The following SEMA3A variants were observed in gnomAD, a reference collection of about 807,000 sequenced individuals.
SEMA3A encodes the protein semaphorin-3A.
Under a neutral mutation model 97.9 loss-of-function variants are expected in SEMA3A, and 29 were observed. That is an observed-to-expected ratio of 0.30 (90% confidence interval 0.22 to 0.40). The LOEUF (loss-of-function observed/expected upper bound fraction) is 0.40. Ranked by LOEUF, SEMA3A falls within the 10% of genes least tolerant of loss-of-function variation. The probability of loss-of-function intolerance (pLI) is 1.00; values close to 1 mark genes in which losing one functional copy is unlikely to be tolerated. For missense variants in SEMA3A, 763 were observed against 951.3 expected (o/e 0.80, Z 2.60); for synonymous variants, 321 against 323.7 (o/e 0.99, Z 0.09).
chr7:83,974,954 CAGTGTGCATCTGACGTA>C (rs1789081858), intron 15 of SEMA3A, among the ~76,000 whole-genome samples: 1 of 152,124 alleles, frequency 6.6e-6, no homozygotes, highest in Admixed American at 6.6e-5. Flanking sequence ...CTTCTCTCTC[CAGTGTGCATCTGACGTA>C]AGAATCAGGA....
At position 84,416,456 on chromosome 7, in the gene SEMA3A, T is replaced by C. The variant is rs191153970; in HGVS notation, c.-245-44556A>G. On this transcript the variant is annotated intron_variant, in intron 1 of 3. Coordinates refer to the SEMA3A transcript ENST00000424555. ...CAGTGTGAAAATGGACTAATACAAG[T>C]ATATACATGTAATGTCAACTTGCTT... is the stretch of plus-strand genomic sequence containing the variant. 3.1e-4 allele frequency among the ~76,000 whole-genome samples: 47 copies of C among 152,192 alleles called. 1 individual carries two copies. Among genetic ancestry groups the C allele is most frequent in the African/African-American group, 1.1e-3 (44 of 41,550 alleles).
At chr7:84,244,202 C>T (rs941849706) in intron 3 of SEMA3A, among the ~76,000 whole-genome samples, 2 of 151,992 alleles carry the variant, frequency 1.3e-5, no homozygotes, top group African/African-American at 4.8e-5. Flanking sequence ...TTAAAGTCTC[C>T]CACTATTATT....
Position 84,053,749 on chromosome 7 carries a change from G to C in SEMA3A, c.547+6716C>G, listed in dbSNP as rs572622760. Among the ~76,000 whole-genome samples, 199 of 148,986 alleles carry C rather than the reference G, an allele frequency of 1.3e-3. 1 individual carries two copies. The highest frequency in any genetic ancestry group is 4.6e-3 in the African/African-American group (187 of 40,980). ...TATTGTTATGTGTGAATTTGATCCT[G>C]TCATTATGATGTTAGCTGGTTATTT... is the stretch of plus-strand genomic sequence containing the variant. On this transcript the variant is annotated intron_variant, in intron 5 of 16. Transcript: ENST00000265362.
chr7:84,320,599 C>T (rs1352761024), intron 2 of SEMA3A, among the ~76,000 whole-genome samples: 1 of 151,944 alleles, frequency 6.6e-6, no homozygotes, highest in African/African-American at 2.4e-5. Flanking sequence ...TTTAAGGTAT[C>T]TTTGTTAGGT....
chr7:84,231,871 T>C (rs1269118761), intron 3 of SEMA3A, among the ~76,000 whole-genome samples: 1 of 151,840 alleles, frequency 6.6e-6, no homozygotes, highest in Admixed American at 6.6e-5. Flanking sequence ...TCTTCCACTT[T>C]GGGAAACAGA....
chr7:84,151,726 A>G (rs996421688), intron 1 of SEMA3A, among the ~76,000 whole-genome samples: 4 of 152,276 alleles, frequency 2.6e-5, no homozygotes, highest in African/African-American at 7.2e-5. Flanking sequence ...GCTTCTGCAC[A>G]GCAAAAGAAA....
chr7:84,093,166 T>C (rs1025063319), intron 4 of SEMA3A, among the ~76,000 whole-genome samples: 1 of 152,182 alleles, frequency 6.6e-6, no homozygotes, highest in Non-Finnish European at 1.5e-5. Context: ...ATTTGCACCA[T>C]GTAACTTTTT....
At chr7:84,250,179 G>A (rs922188263) in intron 3 of SEMA3A, among the ~76,000 whole-genome samples, 2 of 151,166 alleles carry the variant, frequency 1.3e-5, no homozygotes, top group South Asian at 2.1e-4. Context: ...ATATAATTAG[G>A]CATAAAACAC....
At chr7:84,246,241 C>T (rs144033399) in intron 3 of SEMA3A, among the ~76,000 whole-genome samples, 1 of 152,044 alleles carries the variant, frequency 6.6e-6, no homozygotes, top group Non-Finnish European at 1.5e-5. Flanking sequence ...GCTATCCTGC[C>T]CAGGAATACA....
chr7:84,253,750 G>A (rs1456046227), intron 3 of SEMA3A, among the ~76,000 whole-genome samples: 1 of 152,138 alleles, frequency 6.6e-6, no homozygotes, highest in Non-Finnish European at 1.5e-5. Flanking sequence ...AATGACTTCT[G>A]TGGAGAATTG....
intron 3 of SEMA3A, among the ~76,000 whole-genome samples, chr7:84,234,288 C>T (rs767779601): frequency 1.3e-5 from 2 of 152,022 alleles, no homozygotes; most frequent in African/African-American, 2.4e-5. Flanking sequence ...AAAACCTGAC[C>T]TTACTCTGGT....
At chr7:84,095,368 T>C (rs1216756140) in intron 4 of SEMA3A, among the ~76,000 whole-genome samples, 65 of 50,720 alleles carry the variant, frequency 1.3e-3, no homozygotes, top group Admixed American at 3.1e-3. Context: ...CATATATATA[T>C]ATATATATAT....
chr7:84,354,446 C>T (rs1277405606), intron 2 of SEMA3A, among the ~76,000 whole-genome samples: 2 of 151,508 alleles, frequency 1.3e-5, no homozygotes, highest in Admixed American at 1.3e-4. Flanking sequence ...ATTTTTACTT[C>T]CCCTTCCATT....
At chr7:84,028,722 A>G (rs1293561971) in intron 6 of SEMA3A, among the ~76,000 whole-genome samples, 2 of 152,254 alleles carry the variant, frequency 1.3e-5, no homozygotes, top group South Asian at 2.1e-4. Context: ...CTCCTGCCTC[A>G]GCCTCCCGAG....
chr7:83,987,560 C>G (rs1789689456), intron 12 of SEMA3A, among the ~76,000 whole-genome samples: 1 of 152,102 alleles, frequency 6.6e-6, no homozygotes, highest in Non-Finnish European at 1.5e-5. Context: ...TTGCCTCTCC[C>G]CCTCAATTTG....
chr7:84,209,269 G>C (rs2116315058), intron 3 of SEMA3A, among the ~76,000 whole-genome samples: 1 of 152,262 alleles, frequency 6.6e-6, no homozygotes, highest in Non-Finnish European at 1.5e-5. Flanking sequence ...ACAACAAAAC[G>C]ATTCTATCAT....
chr7:84,345,212 A>C (rs1329765234), intron 2 of SEMA3A, among the ~76,000 whole-genome samples: 3 of 152,198 alleles, frequency 2.0e-5, no homozygotes, highest in South Asian at 2.1e-4. Flanking sequence ...GTCCAAAAAA[A>C]TGAACATACT....
intron 2 of SEMA3A, among the ~76,000 whole-genome samples, chr7:84,337,055 GA>G (rs1176724351): frequency 6.6e-6 from 1 of 152,066 alleles, no homozygotes; most frequent in Non-Finnish European, 1.5e-5. Context: ...CTTACCAGAT[GA>G]CTTTGGACAA....
At chr7:84,410,360 T>G (rs547089044) in intron 1 of SEMA3A, among the ~76,000 whole-genome samples, 85 of 152,264 alleles carry the variant, frequency 5.6e-4, no homozygotes, top group African/African-American at 1.9e-3. Flanking sequence ...ATAAAAGACA[T>G]TCTTTTAATG....
Sources: allele counts gnomAD v4.1 joint callset (sites outside exome capture counted in the v4.1 genomes callset), GRCh38; gene constraint gnomAD v4.1.1; transcripts MANE v1.5; gene names NCBI Gene and HGNC (gene_info 2026-07-23, HGNC 2026-07-21).